The following MSH4 variants were observed in gnomAD, a reference collection of about 807,000 sequenced individuals.
MSH4 encodes mutS protein homolog 4.
MSH4 carries 106 observed loss-of-function variants against 113.7 expected under a neutral mutation model. The observed-to-expected ratio is 0.93, with a 90% CI of 0.80 to 1.10. The LOEUF is 1.10. Among genes scored for constraint, MSH4 ranks in the 50% least tolerant of loss-of-function variants. The pLI, the probability that MSH4 is intolerant of heterozygous loss-of-function variation, is 0.00. For synonymous variants in MSH4, 368 were observed against 380.2 expected (o/e 0.97, Z 0.37); for missense variants, 1,061 against 1,093.7 (o/e 0.97, Z 0.42).
chr1:75,812,143 AT>A (rs1003637822), intron 4 of MSH4, among the ~76,000 whole-genome samples: 33 of 152,178 alleles, frequency 2.2e-4, no homozygotes, highest in African/African-American at 7.7e-4. Flanking sequence ...AAACTACCTT[AT>A]GCAAAAAAGG....
chr1:75,892,092 A>G (rs1159194407), intron 17 of MSH4, among the ~76,000 whole-genome samples: 2 of 152,182 alleles, frequency 1.3e-5, no homozygotes, highest in African/African-American at 4.8e-5. Context: ...GTCCCACTCA[A>G]TAAATGCAAG....
intron 11 of MSH4, 139 bp downstream of exon 11, chr1:75,878,457 G>T: frequency 1.5e-6 from 1 of 672,556 alleles, no homozygotes; most frequent in South Asian, 2.4e-5. Context: ...TTAGCATGTA[G>T]TGCCATTTAA....
chr1:75,885,049 G>GTATATATATATATATATATATA (rs1431311570), intron 15 of MSH4, among the ~76,000 whole-genome samples: 1 of 109,074 alleles, frequency 9.2e-6, no homozygotes, highest in African/African-American at 4.6e-5. Context: ...GTGTGTGTGT[G>GTATATATATATATATATATATA]TGTGTGTGTG....
chr1:75,908,893 A>T (rs1056334696), intron 19 of MSH4, among the ~76,000 whole-genome samples: 4 of 152,116 alleles, frequency 2.6e-5, no homozygotes, highest in African/African-American at 7.2e-5. Flanking sequence ...TAGAGGGGAT[A>T]CCTCAGCTGT....
intron 7 of MSH4, among the ~76,000 whole-genome samples, chr1:75,823,039 T>C (rs1219152723): frequency 6.6e-6 from 1 of 152,152 alleles, no homozygotes; most frequent in African/African-American, 2.4e-5. Context: ...AAATAAGGTG[T>C]CAGAAAAGCC....
intron 7 of MSH4, among the ~76,000 whole-genome samples, chr1:75,835,424 T>C (rs779578768): frequency 1.3e-5 from 2 of 152,204 alleles, no homozygotes; most frequent in Non-Finnish European, 2.9e-5. Context: ...TTTAGTGTAA[T>C]ACGTAAGTGC....
intron 7 of MSH4, among the ~76,000 whole-genome samples, chr1:75,832,197 A>G (rs1042000569): frequency 1.3e-5 from 2 of 152,208 alleles, no homozygotes; most frequent in African/African-American, 2.4e-5. Flanking sequence ...AGAAATGGAT[A>G]AATTCCCGGA....
chr1:75,899,693 C>G lies in MSH4; in HGVS notation c.2606C>G (p.Thr869Arg). The G allele has an allele frequency of 6.7e-7, 1 of 1,489,160 alleles. No individual in the cohort carries two copies. Among genetic ancestry groups the G allele is most frequent in the East Asian group, 2.6e-5 (1 of 37,904 alleles). The allele number at this position is 1,489,160 out of a possible 1,614,324, so 92.2% of individuals were successfully genotyped here. Reference protein sequence around the residue: ...LDAKEITTQITRQILQNQRST... With the variant: ...LDAKEITTQIRRQILQNQRST... The stretch of plus-strand genomic sequence containing the variant: ...GCCAAGGAAATCACAACTCAAATTA[C>G]GAGACAAATTTTGGTAAGAAACTTT... The change falls in exon 19 of 20, where the codon ACG becomes AGG. Residue 869 changes from threonine to arginine, a missense_variant. Coordinates refer to ENST00000263187, the MANE Select transcript of MSH4 (RefSeq NM_002440.4).
intron 8 of MSH4, among the ~76,000 whole-genome samples, chr1:75,851,294 A>T (rs769238781): frequency 1.5e-4 from 22 of 145,886 alleles, no homozygotes; most frequent in Non-Finnish European, 2.9e-4. Flanking sequence ...TTTTTTTATG[A>T]TTCCATCTCA....
intron 9 of MSH4, among the ~76,000 whole-genome samples, chr1:75,871,324 T>C (rs1232116698): frequency 6.6e-6 from 1 of 152,160 alleles, no homozygotes; most frequent in Non-Finnish European, 1.5e-5. Context: ...GGGATTATAA[T>C]TTATGATGAG....
chr1:75,885,358 A>G (rs1314600751), intron 15 of MSH4, among the ~76,000 whole-genome samples: 1 of 114,550 alleles, frequency 8.7e-6, no homozygotes, highest in Admixed American at 1.1e-4. Flanking sequence ...TATATATATA[A>G]AGGTATGTAA....
chr1:75,801,759 T>G (rs1050435097), intron 1 of MSH4, among the ~76,000 whole-genome samples: 1 of 151,000 alleles, frequency 6.6e-6, no homozygotes, highest in Non-Finnish European at 1.5e-5. Flanking sequence ...AGTCCATAGT[T>G]ACTCAAGAGG....
chr1:75,826,560 C>G (rs922488488), intron 7 of MSH4, among the ~76,000 whole-genome samples: 1 of 152,004 alleles, frequency 6.6e-6, no homozygotes, highest in Non-Finnish European at 1.5e-5. Flanking sequence ...GTTAGGGTGT[C>G]GATTTGAGAT....
chr1:75,843,045 T>C (rs1223729806), intron 7 of MSH4, among the ~76,000 whole-genome samples: 1 of 152,206 alleles, frequency 6.6e-6, no homozygotes, highest in Non-Finnish European at 1.5e-5. Context: ...GTCTCTGATA[T>C]GCAGAAATAA....
intron 7 of MSH4, among the ~76,000 whole-genome samples, chr1:75,837,656 G>A (rs1650861911): frequency 1.3e-5 from 2 of 152,128 alleles, no homozygotes; most frequent in African/African-American, 4.8e-5. Flanking sequence ...CCAATGTGCT[G>A]GGATTACAGG....
In MSH4 at chr1:75,895,470, A is replaced by C. The variant is rs992971400; in HGVS notation, c.2356-2437A>C. On this transcript the variant is annotated intron_variant, in intron 17 of 19. Transcript: ENST00000263187. ...GCTGAAGCCAAAGGAAATACAGAAT[A>C]GGTAGTAAAAGGAAAAGGTAGTTGT... is the stretch of plus-strand genomic sequence containing the variant. Among the ~76,000 whole-genome samples the C allele has an allele frequency of 5.3e-5, 8 of 152,266 alleles. 1 individual carries two copies. The highest frequency in any genetic ancestry group is 1.9e-4 in the African/African-American group (8 of 41,540).
chr1:75,805,448 C>T (rs1319144163), intron 2 of MSH4, among the ~76,000 whole-genome samples: 7 of 149,526 alleles, frequency 4.7e-5, no homozygotes, highest in African/African-American at 1.5e-4. Flanking sequence ...AGTGCAGTGG[C>T]ACCATCTCGG....
intron 17 of MSH4, among the ~76,000 whole-genome samples, chr1:75,894,624 A>ACTAACATCCAT (rs1553139195): frequency 6.6e-6 from 1 of 152,200 alleles, no homozygotes; most frequent in Non-Finnish European, 1.5e-5. Context: ...TTCTGCCAAA[A>ACTAACATCCAT]CTAACATCCA....
chr1:75,804,633 C>T (rs111661299), intron 2 of MSH4, among the ~76,000 whole-genome samples: 3,197 of 150,934 alleles, frequency 0.021, 117 homozygotes, highest in African/African-American at 0.074. Flanking sequence ...GCCTCAGCCT[C>T]CTGAGTAGCT....
Sources: gnomAD v4.1 joint callset for allele counts (sites outside exome capture counted in the v4.1 genomes callset) on GRCh38, gnomAD v4.1.1 for gene constraint, MANE v1.5 for transcripts, NCBI Gene and HGNC (gene_info 2026-07-23, HGNC 2026-07-21) for gene names.